ATP13A3: variants seen among roughly 807,000 people sequenced by gnomAD.
ATP13A3 encodes the protein ATPase 13A3.
A neutral mutation model predicts 158.1 loss-of-function variants in ATP13A3; 59 were observed. That is an observed-to-expected ratio of 0.37 (90% CI 0.30 to 0.46). The LOEUF is 0.46. ATP13A3 is among the 20% of genes least tolerant of loss of function. ATP13A3 has a pLI of 1.00. For synonymous variants in ATP13A3, 491 were observed against 504.3 expected, an observed-to-expected ratio of 0.97 and a Z score of 0.35; for missense variants, 1,166 against 1,525.2, an observed-to-expected ratio of 0.76 and a Z score of 3.92.
intron 32 of ATP13A3, chr3:194,413,186 T>G (rs557531119): frequency 2.6e-5 from 4 of 152,856 alleles, no homozygotes; most frequent in Admixed American, 6.5e-5. Context: ...GGAGGGTAAC[T>G]ACACAATATA....
intron 33 of ATP13A3, among the ~76,000 whole-genome samples, chr3:194,408,382 G>T (rs534559375): frequency 9.9e-5 from 15 of 152,284 alleles, no homozygotes; most frequent in African/African-American, 3.1e-4. Flanking sequence ...AATGTTGACT[G>T]CTGACTTTTT....
At chr3:194,492,675 T>C (rs1200159395) in intron 2 of ATP13A3, among the ~76,000 whole-genome samples, 1 of 152,020 alleles carries the variant, frequency 6.6e-6, no homozygotes, top group South Asian at 2.1e-4. Flanking sequence ...AGGCTGGTCT[T>C]GAACTCCTGA....
chr3:194,410,766 CAATAG>C (rs1715348168), intron 33 of ATP13A3, among the ~76,000 whole-genome samples: 1 of 152,090 alleles, frequency 6.6e-6, no homozygotes, highest in African/African-American at 2.4e-5. Flanking sequence ...TTGTTCAGAT[CAATAG>C]TCAGAGATCT....
chr3:194,427,319 T>C, intron 28 of ATP13A3, 67 bp from the exon 29 acceptor site: 1 of 1,364,390 alleles, frequency 7.3e-7, no homozygotes. Context: ...AAGGCATAAC[T>C]AGATTCATTT....
At chr3:194,415,450 A>G (rs1033979432) in intron 31 of ATP13A3, among the ~76,000 whole-genome samples, 3 of 152,182 alleles carry the variant, frequency 2.0e-5, no homozygotes, top group Admixed American at 6.5e-5. Context: ...GTAAGTGCTT[A>G]TCTAAACCCC....
At chr3:194,464,750 A>T (rs185850501) in intron 2 of ATP13A3, among the ~76,000 whole-genome samples, 26 of 152,298 alleles carry the variant, frequency 1.7e-4, no homozygotes, top group Admixed American at 1.6e-3. Context: ...GTCATCACTC[A>T]GTAGTCACCG....
intron 15 of ATP13A3, among the ~76,000 whole-genome samples, chr3:194,444,514 G>A (rs1255745496): frequency 6.6e-6 from 1 of 152,098 alleles, no homozygotes; most frequent in African/African-American, 2.4e-5. Flanking sequence ...ATGGCAGTAG[G>A]AATTGGGGAA....
chr3:194,406,811 T>C (rs1320835004), intron 33 of ATP13A3, among the ~76,000 whole-genome samples: 1 of 152,214 alleles, frequency 6.6e-6, no homozygotes, highest in Non-Finnish European at 1.5e-5. Context: ...CAATCATGTT[T>C]AATGTCAATT....
chr3:194,438,632 T>C (rs1717828396), intron 17 of ATP13A3, among the ~76,000 whole-genome samples: 2 of 152,088 alleles, frequency 1.3e-5, no homozygotes, highest in Admixed American at 1.3e-4. Context: ...CATTTCAAAA[T>C]GAGAATTAAA....
chr3:194,477,397 C>T (rs1195285087), intron 2 of ATP13A3, among the ~76,000 whole-genome samples: 1 of 152,186 alleles, frequency 6.6e-6, no homozygotes, highest in East Asian at 1.9e-4. Context: ...TGGAATCCCT[C>T]TTCTTTTTGT....
At chr3:194,462,078 A>C (rs1719705470) in intron 3 of ATP13A3, 62 bp downstream of exon 3, 1 of 1,537,902 alleles carries the variant, frequency 6.5e-7, no homozygotes, top group South Asian at 1.1e-5. Context: ...CTAGTCCCTA[A>C]AATAATAAAT....
At chr3:194,421,248 C>A (rs1414757176) in intron 30 of ATP13A3, among the ~76,000 whole-genome samples, 1 of 133,378 alleles carries the variant, frequency 7.5e-6, no homozygotes, top group African/African-American at 2.9e-5. Context: ...GAGCCACTGA[C>A]CAAAAGGATT....
chr3:194,410,725 G>A (rs1301937560), intron 33 of ATP13A3, among the ~76,000 whole-genome samples: 8 of 151,996 alleles, frequency 5.3e-5, no homozygotes, highest in Non-Finnish European at 7.4e-5. Context: ...CAGCTAAACC[G>A]GGGTTACTCC....
intron 30 of ATP13A3, among the ~76,000 whole-genome samples, chr3:194,422,252 T>C (rs768834517): frequency 3.3e-5 from 5 of 152,184 alleles, no homozygotes; most frequent in Admixed American, 6.5e-5. Context: ...ATAGAAGAAT[T>C]AGGTATTCAC....
intron 1 of ATP13A3, among the ~76,000 whole-genome samples, chr3:194,486,262 C>A (rs547361656): frequency 1.1e-4 from 12 of 109,030 alleles, no homozygotes; most frequent in African/African-American, 7.5e-4. Flanking sequence ...AGCACCCCTA[C>A]GCCTCTGCCC....
intron 17 of ATP13A3, 152 bp from the exon 18 acceptor site, chr3:194,437,725 C>CA (rs1717761656): frequency 1.3e-6 from 1 of 745,652 alleles, no homozygotes; most frequent in Non-Finnish European, 2.1e-6. Flanking sequence ...TCCTTCTATA[C>CA]TACTTCCCAT....
At position 194,433,543 on chromosome 3, in the gene ATP13A3, G is replaced by A. The variant is rs150101380; in HGVS notation, c.2245+229C>T. Among the ~76,000 whole-genome samples, 1,216 of 152,246 alleles carry A rather than the reference G, an allele frequency of 8.0e-3. 17 individuals are homozygous for A. The highest frequency in any genetic ancestry group is 0.027 in the African/African-American group (1,142 of 41,550). ...CAGGCGTGAGCCACCGCGCCCGGCCGTACTTTTACTATTCTACTACACTTT... is the reference window on the plus strand; with the variant it reads ...CAGGCGTGAGCCACCGCGCCCGGCCATACTTTTACTATTCTACTACACTTT... On this transcript the variant is annotated intron_variant, in intron 21 of 33. Coordinates refer to ENST00000645319, the MANE Select transcript of ATP13A3 (RefSeq NM_001367549.1).
Position 194,444,782 on chromosome 3 carries a change from C to T in ATP13A3, c.1502G>A (p.Gly501Glu), listed in dbSNP as rs1200932108. ...ATCTAAACCATCTTCAGTTAGAGTT[C>T]CAGTCTAAAAAACAAAAAAGCACAC... ...QLNLVCFDKT[G>E]TLTEDGLDLW... is the part of the protein sequence containing the mutation. Residue 501 changes from glycine to glutamate, a missense_variant, in exon 15 of 34, where the codon GGA becomes GAA. By Grantham distance (98) the Gly-to-Glu change is moderately conservative. This residue lies in a region of ATP13A3 where 997 missense variants were observed against 1,341.2 expected (regional missense o/e 0.74). Coordinates refer to ENST00000645319, the MANE Select transcript of ATP13A3 (RefSeq NM_001367549.1). The T allele has an allele frequency of 6.3e-7, 1 of 1,595,026 alleles. No individual in the cohort carries two copies.
intron 1 of ATP13A3, among the ~76,000 whole-genome samples, chr3:194,486,321 C>A (rs903576930): frequency 2.6e-5 from 4 of 152,142 alleles, no homozygotes; most frequent in Middle Eastern, 3.2e-3. Context: ...TGACTACCAA[C>A]CACCAAGCGC....
Sources: allele counts gnomAD v4.1 joint callset (sites outside exome capture counted in the v4.1 genomes callset), GRCh38; gene constraint gnomAD v4.1.1; regional missense constraint gnomAD v4.1.1; transcripts MANE v1.5; gene names NCBI Gene and HGNC (gene_info 2026-07-23, HGNC 2026-07-21).